Variants in BTD observed in about 807,000 individuals in gnomAD.
BTD encodes biotinidase, also known as biocytinase.
A neutral mutation model predicts 17.7 loss-of-function variants in BTD; 13 were observed. The observed-to-expected ratio is 0.74, with a 90% confidence interval of 0.48 to 1.17. BTD has a LOEUF of 1.17. Ranked by LOEUF, BTD falls within the 50% of genes most tolerant of loss-of-function variation. BTD has a pLI of 0.00. For missense variants in BTD, 674 were observed against 650.4 expected (o/e 1.04, Z -0.39); for synonymous variants, 240 against 245.2 (o/e 0.98, Z 0.20).
intron 3 of BTD, chr3:15,696,171 T>C (rs1276088336): frequency 6.3e-7 from 1 of 1,593,538 alleles, no homozygotes; most frequent in Non-Finnish European, 8.6e-7. Flanking sequence ...AGCAGCTGAA[T>C]AATGAACTGC....
chr3:15,616,282 C>A (rs1384558542), intron 1 of BTD, among the ~76,000 whole-genome samples: 1 of 152,156 alleles, frequency 6.6e-6, no homozygotes, highest in Non-Finnish European at 1.5e-5. Context: ...AATCAGACTT[C>A]CTGTTGCTCT....
At chr3:15,634,536 A>G (rs2065293813) in intron 1 of BTD, among the ~76,000 whole-genome samples, 1 of 152,224 alleles carries the variant, frequency 6.6e-6, no homozygotes, top group Non-Finnish European at 1.5e-5. Flanking sequence ...GAAGGAGGAG[A>G]CACACAGAAG....
At chr3:15,664,036 G>A (rs778237533) in intron 3 of BTD, among the ~76,000 whole-genome samples, 2 of 152,164 alleles carry the variant, frequency 1.3e-5, no homozygotes, top group Non-Finnish European at 2.9e-5. Flanking sequence ...CAAGTAGCTG[G>A]AATTACAGGT....
At position 15,685,118 on chromosome 3, in the gene BTD, T is replaced by C. The variant is rs189544083; in HGVS notation, c.400-24942T>C. On this transcript the variant is annotated intron_variant, in intron 3 of 3. Transcript: ENST00000672141. ...GTACGTGAGCCTATACAGTAGATTATTCCCAAGGTTTTTGCTAATTTTAAA... is the reference window on the plus strand; with the variant it reads ...GTACGTGAGCCTATACAGTAGATTACTCCCAAGGTTTTTGCTAATTTTAAA... 180 of 1,120,420 alleles carry C rather than the reference T, an allele frequency of 1.6e-4. No individual in the cohort carries two copies. In the East Asian group the frequency reaches 4.0e-3, roughly 25 times the overall value. 69.4% of individuals were successfully genotyped at this position (1,120,420 alleles called of 1,614,324 possible).
In BTD at chr3:15,645,795, G is replaced by A. The variant is rs1269910390; in HGVS notation, c.*307G>A. The A allele has an allele frequency of 1.1e-5, 3 of 278,844 alleles. No homozygotes were observed. Among genetic ancestry groups the A allele is most frequent in the African/African-American group, 6.8e-5 (3 of 44,294 alleles). 17.3% of individuals were successfully genotyped at this position (278,844 alleles called of 1,614,324 possible). A position where few individuals can be genotyped will look rare whatever the true frequency, so the allele number is the denominator to read the frequency against. ...GTCTCAAGCTAAAACAAAAATAAAT[G>A]TCAGTTTATATTTTACACATCCACA... On this transcript the variant is annotated 3_prime_UTR_variant, in exon 4 of 4. Coordinates refer to ENST00000643237, the MANE Select transcript of BTD (RefSeq NM_001370658.1).
downstream of BTD, among the ~76,000 whole-genome samples, chr3:15,658,513 C>G (rs2065893065): frequency 7.4e-6 from 1 of 135,512 alleles, no homozygotes; most frequent in South Asian, 2.6e-4. Context: ...TTATCTTGCC[C>G]AAACTTCAGA....
rs142388294 is a variant in BTD at position 15,608,534 on chromosome 3, A to G, written c.-17+6640A>G. ...TGTAATCCCAACACTTTGGGAGGCC[A>G]AGGCAGGCGGATCACGAGGTCAGTA... On this transcript the variant is annotated intron_variant, in intron 1 of 3. Transcript: ENST00000643237. 9.1e-3 allele frequency among the ~76,000 whole-genome samples: 1,385 copies of G among 152,242 alleles called. 23 individuals are homozygous for G. Among genetic ancestry groups the G allele is most frequent in the African/African-American group, 0.031 (1,296 of 41,536 alleles).
chr3:15,697,668 G>A (rs918972692), intron 3 of BTD, among the ~76,000 whole-genome samples: 3 of 152,122 alleles, frequency 2.0e-5, no homozygotes, highest in Non-Finnish European at 2.9e-5. Flanking sequence ...TTTTATTGAG[G>A]ATTTTCGCAT....
intron 1 of BTD, among the ~76,000 whole-genome samples, chr3:15,616,171 A>G (rs559540316): frequency 7.2e-5 from 11 of 152,222 alleles, no homozygotes; most frequent in Non-Finnish European, 1.3e-4. Flanking sequence ...TACAAAGAAT[A>G]CGATTGCTGA....
At chr3:15,625,898 A>G (rs1488535778) in intron 1 of BTD, among the ~76,000 whole-genome samples, 1 of 152,000 alleles carries the variant, frequency 6.6e-6, no homozygotes, top group African/African-American at 2.4e-5. Context: ...AAGCCTTCCA[A>G]AGTGTTTGTT....
intron 3 of BTD, among the ~76,000 whole-genome samples, chr3:15,689,466 A>G (rs1199344644): frequency 6.6e-6 from 1 of 152,236 alleles, no homozygotes; most frequent in Non-Finnish European, 1.5e-5. Flanking sequence ...AGAAGGTATC[A>G]GCAAGGAGGC....
chr3:15,688,964 C>T (rs1442202900), intron 3 of BTD, among the ~76,000 whole-genome samples: 2 of 152,160 alleles, frequency 1.3e-5, no homozygotes, highest in Non-Finnish European at 2.9e-5. Flanking sequence ...ATAACTTCTA[C>T]CAGAAAGAAA....
rs764669275 is a variant in BTD at position 15,649,716 on chromosome 3, C to G, written c.*4228C>G. On this transcript the variant is annotated 3_prime_UTR_variant, in exon 4 of 4. Coordinates refer to ENST00000643237, the MANE Select transcript of BTD (RefSeq NM_001370658.1). ...GTCTTCTGATGAACACTCATCCATC[C>G]TTCAAGGTCTACTCTCTCATCACAG... Among the ~76,000 whole-genome samples, 1 of 152,228 alleles carries G rather than the reference C, an allele frequency of 6.6e-6. No homozygotes were observed. The highest frequency in any genetic ancestry group is 2.1e-4 in the South Asian group (1 of 4,832).
At position 15,667,807 on chromosome 3, in the gene BTD, A is replaced by T. The variant is rs139014065; in HGVS notation, c.399+25750A>T. The T allele has an allele frequency of 6.6e-5, 10 of 152,382 alleles. No individual in the cohort carries two copies. In the East Asian group the frequency reaches 1.9e-3, roughly 29 times the overall value. The allele number at this position is 152,382 out of a possible 1,614,324, so 9.4% of individuals were successfully genotyped here. The stretch of plus-strand genomic sequence containing the variant: ...CTACCTTAATGTTTTTGGTAACAGC[A>T]TCATTTACATATAAGTGATGCAGGA... On this transcript the variant is annotated intron_variant, in intron 3 of 3. Coordinates refer to the BTD transcript ENST00000672141.
chr3:15,663,962 C>T lies in BTD; in HGVS notation c.399+21905C>T, dbSNP rs536165868. On this transcript the variant is annotated intron_variant, in intron 3 of 3. Transcript: ENST00000672141. ...TGTTGCCCAGGCTGGAGTGCAATGG[C>T]GCGATCTCAGCTCACGGCAACCTCC... Among the ~76,000 whole-genome samples the T allele has an allele frequency of 7.2e-5, 11 of 152,242 alleles. No individual in the cohort carries two copies. The East Asian group carries it at 1.2e-3, about 16-fold the overall frequency.
intron 1 of BTD, among the ~76,000 whole-genome samples, chr3:15,611,165 G>A (rs1038520560): frequency 1.6e-4 from 25 of 152,182 alleles, no homozygotes; most frequent in African/African-American, 5.8e-4. Flanking sequence ...GTAGCTAGGA[G>A]TGGTCACGCG....
intron 1 of BTD, among the ~76,000 whole-genome samples, chr3:15,609,746 T>G (rs138759619): frequency 0.016 from 2,434 of 152,276 alleles, 84 homozygotes; most frequent in African/African-American, 0.056. Context: ...CCTTATTGGA[T>G]TATCTTTTGC....
intron 3 of BTD, among the ~76,000 whole-genome samples, chr3:15,706,294 A>G (rs1443434203): frequency 1.3e-5 from 2 of 150,274 alleles, no homozygotes; most frequent in African/African-American, 4.9e-5. Flanking sequence ...CCTGTGTCCA[A>G]GTGTTCTTAT....
rs2065770077 is a variant in BTD at position 15,649,676 on chromosome 3, T to C, written c.*4188T>C. On this transcript the variant is annotated 3_prime_UTR_variant, in exon 4 of 4. Coordinates refer to ENST00000643237, the MANE Select transcript of BTD (RefSeq NM_001370658.1). ...GCACAGTCTGGCCCCTGTACTGTTG[T>C]CTGCTTGAAATGGCGTCTTCTGATG... 6.6e-6 allele frequency among the ~76,000 whole-genome samples: 1 copy of C among 152,236 alleles called. No individual in the cohort carries two copies. The highest frequency in any genetic ancestry group is 1.5e-5 in the Non-Finnish European group (1 of 68,030).
Sources: allele counts gnomAD v4.1 joint callset (sites outside exome capture counted in the v4.1 genomes callset), GRCh38; gene constraint gnomAD v4.1.1; transcripts MANE v1.5; gene names NCBI Gene and HGNC (gene_info 2026-07-23, HGNC 2026-07-21).